Variants in HECW1 observed in about 807,000 individuals in gnomAD.
HECW1 encodes HECT, C2 and WW domain containing E3 ubiquitin protein ligase 1.
HECW1 carries 61 observed loss-of-function variants against 182.3 expected under a neutral mutation model. That is an observed-to-expected ratio of 0.33 (90% CI 0.27 to 0.41). The LOEUF (loss-of-function observed/expected upper bound fraction) is 0.41, where lower values mean the gene tolerates loss of function less well. Ranked by LOEUF, HECW1 falls within the 10% of genes least tolerant of loss-of-function variation. The pLI is 1.00. For missense variants in HECW1, 1,739 were observed against 2,108.9 expected (o/e 0.82, Z 3.44); for synonymous variants, 859 against 832.6 (o/e 1.03, Z -0.55).
At chr7:43,158,742 C>G (rs1335569388) in intron 2 of HECW1, among the ~76,000 whole-genome samples, 1 of 152,190 alleles carries the variant, frequency 6.6e-6, no homozygotes, top group Non-Finnish European at 1.5e-5. Flanking sequence ...CCCTGGGTTC[C>G]AGTTACCATC....
At chr7:43,284,093 C>T (rs1804283140) in intron 3 of HECW1, among the ~76,000 whole-genome samples, 1 of 152,156 alleles carries the variant, frequency 6.6e-6, no homozygotes, top group Non-Finnish European at 1.5e-5. Context: ...AGATACGTGA[C>T]TCTAAAGCAG....
intron 2 of HECW1, among the ~76,000 whole-genome samples, chr7:43,120,045 G>A (rs1363545506): frequency 3.3e-5 from 5 of 152,290 alleles, no homozygotes; most frequent in Admixed American, 6.5e-5. Flanking sequence ...TTTAGGTGCT[G>A]GGATGTAGCA....
Position 43,463,580 on chromosome 7 carries a change from T to G in HECW1, c.2652-80T>G, listed in dbSNP as rs2077659503. 5.3e-6 allele frequency: 7 copies of G among 1,326,408 alleles called. No individual in the cohort carries two copies. The South Asian group carries it at 9.2e-5, about 18-fold the overall frequency. 82.2% of individuals were successfully genotyped at this position (1,326,408 alleles called of 1,614,324 possible). A position where few individuals can be genotyped will look rare whatever the true frequency, so the allele number is the denominator to read the frequency against. Reference sequence around the variant, plus strand: ...TTCAAGACAATTCTTTACAGATTTCTCCAATTATCTGATTCAGAGTTTTGG... The same window carrying G: ...TTCAAGACAATTCTTTACAGATTTCGCCAATTATCTGATTCAGAGTTTTGG... On this transcript the variant is annotated intron_variant, in intron 13 of 29. Transcript: ENST00000395891.
chr7:43,391,069 A>G (rs921897889), intron 6 of HECW1, among the ~76,000 whole-genome samples: 1 of 152,208 alleles, frequency 6.6e-6, no homozygotes, highest in African/African-American at 2.4e-5. Flanking sequence ...GCAGGAGACA[A>G]GATAAGGGTA....
At chr7:43,390,549 C>CAAAAAAA (rs886464633) in intron 6 of HECW1, among the ~76,000 whole-genome samples, 1 of 134,004 alleles carries the variant, frequency 7.5e-6, no homozygotes, top group Admixed American at 7.6e-5. Flanking sequence ...AAAAAAAAAA[C>CAAAAAAA]AAAAAAAAAA....
intron 5 of HECW1, among the ~76,000 whole-genome samples, chr7:43,321,772 A>G (rs187264596): frequency 6.6e-6 from 1 of 151,050 alleles, no homozygotes; most frequent in African/African-American, 2.4e-5. Flanking sequence ...TTTTGCTTTC[A>G]TTTTCATTCA....
intron 2 of HECW1, among the ~76,000 whole-genome samples, chr7:43,167,413 C>T (rs1224394754): frequency 6.6e-6 from 1 of 152,200 alleles, no homozygotes; most frequent in African/African-American, 2.4e-5. Flanking sequence ...CAAAGAGCCT[C>T]TTTCCAAATA....
At chr7:43,324,787 G>A (rs1265102854) in intron 5 of HECW1, among the ~76,000 whole-genome samples, 1 of 152,060 alleles carries the variant, frequency 6.6e-6, no homozygotes, top group Admixed American at 6.6e-5. Context: ...CTTTCTACCT[G>A]GGGATTAAAT....
At position 43,414,085 on chromosome 7, in the gene HECW1, G is replaced by A. The variant is rs879258340; in HGVS notation, c.801+6354G>A. 5.4e-3 allele frequency among the ~76,000 whole-genome samples: 823 copies of A among 151,848 alleles called. 7 individuals are homozygous for A. Among genetic ancestry groups the A allele is most frequent in the Non-Finnish European group, 7.8e-3 (529 of 67,848 alleles). ...CACGATATTGATTCTTCCTACCCATGAGCATGGAATGTTCTTCCATTTGTT... is the reference window on the plus strand; with the variant it reads ...CACGATATTGATTCTTCCTACCCATAAGCATGGAATGTTCTTCCATTTGTT... On this transcript the variant is annotated intron_variant, in intron 8 of 29. Coordinates refer to ENST00000395891, the MANE Select transcript of HECW1 (RefSeq NM_015052.5).
Position 43,451,057 on chromosome 7 carries a change from A to G in HECW1, c.2500+128A>G, listed in dbSNP as rs926271121. ...TGCCTTACAGTGTTAACAAAGACCA[A>G]TATGACACCTGCTCTAAAAACTGGT... On this transcript the variant is annotated intron_variant, in intron 12 of 29. Transcript: ENST00000395891. 16 of 647,804 alleles carry G rather than the reference A, an allele frequency of 2.5e-5. 2 individuals are homozygous for G. Among genetic ancestry groups the G allele is most frequent in the South Asian group, 2.4e-4 (13 of 53,316 alleles). The allele number at this position is 647,804 out of a possible 1,614,324, so 40.1% of individuals were successfully genotyped here. A position where few individuals can be genotyped will look rare whatever the true frequency, so the allele number is the denominator to read the frequency against.
At chr7:43,223,513 G>A (rs1168096676) in intron 2 of HECW1, among the ~76,000 whole-genome samples, 1 of 152,106 alleles carries the variant, frequency 6.6e-6, no homozygotes, top group Admixed American at 6.5e-5. Flanking sequence ...CAGCTACTCG[G>A]GAGGCCGAGG....
chr7:43,210,450 A>T (rs867108436), intron 2 of HECW1, among the ~76,000 whole-genome samples: 2 of 145,402 alleles, frequency 1.4e-5, no homozygotes, highest in African/African-American at 2.6e-5. Flanking sequence ...AGTAGAAGTG[A>T]GTGTGTGTGT....
At chr7:43,450,299 C>G (rs777952000) in intron 11 of HECW1, among the ~76,000 whole-genome samples, 1 of 152,110 alleles carries the variant, frequency 6.6e-6, no homozygotes, top group Non-Finnish European at 1.5e-5. Context: ...TCTTGGCTCG[C>G]CAGCTCCTTG....
chr7:43,214,138 A>G (rs73314781), intron 2 of HECW1, among the ~76,000 whole-genome samples: 2,765 of 151,824 alleles, frequency 0.018, 78 homozygotes, highest in African/African-American at 0.063. Context: ...ATGTATTTCT[A>G]TAGTTTTTCT....
At chr7:43,475,669 G>C (rs1396764502) in intron 16 of HECW1, among the ~76,000 whole-genome samples, 1 of 152,072 alleles carries the variant, frequency 6.6e-6, no homozygotes, top group Non-Finnish European at 1.5e-5. Context: ...TCCCACCTCA[G>C]TCTCCTGAGT....
chr7:43,236,869 C>T (rs773482705), intron 2 of HECW1, among the ~76,000 whole-genome samples: 1 of 152,016 alleles, frequency 6.6e-6, no homozygotes, highest in Non-Finnish European at 1.5e-5. Flanking sequence ...TTGTAGCTGC[C>T]TTATTTAGGA....
intron 2 of HECW1, among the ~76,000 whole-genome samples, chr7:43,239,640 C>G (rs1279913659): frequency 2.0e-5 from 3 of 152,230 alleles, no homozygotes; most frequent in African/African-American, 7.2e-5. Context: ...ATACTTAGGA[C>G]AACTTAAAAT....
intron 24 of HECW1, among the ~76,000 whole-genome samples, chr7:43,515,179 G>T (rs1377148909): frequency 6.6e-6 from 1 of 152,186 alleles, no homozygotes; most frequent in Non-Finnish European, 1.5e-5. Context: ...TGTCAGTTTG[G>T]TGTGGCCTCA....
chr7:43,365,775 C>G (rs886319806), intron 6 of HECW1, among the ~76,000 whole-genome samples: 2 of 152,058 alleles, frequency 1.3e-5, no homozygotes, highest in Non-Finnish European at 2.9e-5. Flanking sequence ...AACAGCATAA[C>G]ATTCAAAGTA....
Sources: allele counts gnomAD v4.1 joint callset (sites outside exome capture counted in the v4.1 genomes callset), GRCh38; gene constraint gnomAD v4.1.1; transcripts MANE v1.5; gene names NCBI Gene and HGNC (gene_info 2026-07-23, HGNC 2026-07-21).